Variants in CDC23 observed in about 807,000 individuals in gnomAD.
CDC23 encodes cell division cycle 23.
In CDC23, 26 loss-of-function variants were observed where a neutral mutation model predicts 81.7. The observed-to-expected ratio is 0.32, with a 90% CI of 0.23 to 0.44. CDC23 has a LOEUF of 0.44. Ranked by LOEUF, CDC23 falls within the 20% of genes least tolerant of loss-of-function variation. The pLI is 1.00. For synonymous variants in CDC23, 267 were observed against 270.8 expected (o/e 0.99, Z 0.14); for missense variants, 519 against 728.0 (o/e 0.71, Z 3.30).
chr5:138,192,025 C>A, intron 11 of CDC23, 88 bp from the exon 12 acceptor site: 1 of 1,163,864 alleles, frequency 8.6e-7, no homozygotes, highest in South Asian at 1.3e-5. Flanking sequence ...TATTTCAAAT[C>A]TATGCAACAA....
chr5:138,192,205 A>T, intron 11 of CDC23, 64 bp downstream of exon 11: 1 of 1,597,998 alleles, frequency 6.3e-7, no homozygotes. Flanking sequence ...ATAGCTATCA[A>T]AAGAGGAAAA....
In CDC23 at chr5:138,188,886, C is replaced by G. The variant is rs1003845475; in HGVS notation, c.*92G>C. 5 of 1,267,774 alleles carry G rather than the reference C, an allele frequency of 3.9e-6. No homozygotes were observed. The highest frequency in any genetic ancestry group is 2.2e-6 in the Non-Finnish European group (2 of 922,944). 78.5% of individuals were successfully genotyped at this position (1,267,774 alleles called of 1,614,324 possible). Reference sequence around the variant, plus strand: ...TTGCCATCTGTAGAAACAAGAAGAGCTGAGGTCCTTGGAACAGACGTGCTG... The same window carrying G: ...TTGCCATCTGTAGAAACAAGAAGAGGTGAGGTCCTTGGAACAGACGTGCTG... On this transcript the variant is annotated 3_prime_UTR_variant, in exon 16 of 16. Coordinates refer to ENST00000394886, the MANE Select transcript of CDC23 (RefSeq NM_004661.4).
Position 138,188,845 on chromosome 5 carries a change from T to C in CDC23, c.*133A>G. On this transcript the variant is annotated 3_prime_UTR_variant, in exon 16 of 16. Coordinates refer to ENST00000394886, the MANE Select transcript of CDC23 (RefSeq NM_004661.4). ...GGCCTCTGAAGGTAATTATACAAGC[T>C]GTCCCTATGGAGCTGTTGCCATCTG... 1.4e-6 allele frequency: 1 copy of C among 731,640 alleles called. No individual in the cohort carries two copies. The highest frequency in any genetic ancestry group is 2.9e-5 in the East Asian group (1 of 33,916). 45.3% of individuals were successfully genotyped at this position (731,640 alleles called of 1,614,324 possible). A position where few individuals can be genotyped will look rare whatever the true frequency, so the allele number is the denominator to read the frequency against.
At chr5:138,206,403 A>C in intron 3 of CDC23, 144 bp downstream of exon 3, 7 of 792,900 alleles carry the variant, frequency 8.8e-6, no homozygotes, top group Non-Finnish European at 1.5e-5. Context: ...TTTATTTATG[A>C]TATCTTTTTT....
intron 13 of CDC23, among the ~76,000 whole-genome samples, chr5:138,191,119 A>AT (rs1382897293): frequency 1.3e-5 from 2 of 151,818 alleles, no homozygotes; most frequent in Non-Finnish European, 2.9e-5. Flanking sequence ...TTCTCTTTTT[A>AT]TTTTTTTTAT....
At chr5:138,210,302 G>A (rs1055642918) in intron 2 of CDC23, among the ~76,000 whole-genome samples, 7 of 151,222 alleles carry the variant, frequency 4.6e-5, no homozygotes, top group Admixed American at 1.3e-4. Context: ...TCGGTGGGTG[G>A]ATCAGCTGAG....
chr5:138,193,104 AT>A (rs1165738193), intron 9 of CDC23, among the ~76,000 whole-genome samples: 2 of 152,044 alleles, frequency 1.3e-5, no homozygotes, highest in South Asian at 2.1e-4. Flanking sequence ...TAATTTTTAA[AT>A]TTTTTTGTGG....
At chr5:138,202,698 G>A (rs1355864767) in intron 3 of CDC23, among the ~76,000 whole-genome samples, 2 of 152,196 alleles carry the variant, frequency 1.3e-5, no homozygotes, top group African/African-American at 4.8e-5. Context: ...GAATCCATGA[G>A]TTCATACTGA....
intron 2 of CDC23, among the ~76,000 whole-genome samples, chr5:138,211,850 A>G (rs893928033): frequency 1.6e-4 from 25 of 152,212 alleles, no homozygotes; most frequent in African/African-American, 6.0e-4. Context: ...AGGACCAACG[A>G]TGGGCCTAGG....
chr5:138,192,516 A>G lies in CDC23; in HGVS notation c.1154T>C (p.Ile385Thr). Reference protein sequence around the residue: ...YMEMKNTSAAIQAYRHAIEVN... With the variant: ...YMEMKNTSAATQAYRHAIEVN... ...TATAGATAATCACCTATAAGCCTGG[A>G]TAGCAGCAGACGTGTTCTTCATCTC... The change falls in exon 10 of 16, where the codon ATC becomes ACC. Residue 385 changes from isoleucine to threonine, a missense_variant. Around this residue, in one of 4 missense-constraint regions of CDC23, gnomAD observed 175 missense variants for 337.8 expected, o/e 0.52. Coordinates refer to ENST00000394886, the MANE Select transcript of CDC23 (RefSeq NM_004661.4). 6.2e-7 allele frequency: 1 copy of G among 1,614,112 alleles called. No homozygotes were observed. Among genetic ancestry groups the G allele is most frequent in the Non-Finnish European group, 8.5e-7 (1 of 1,180,010 alleles).
At chr5:138,201,604 C>T (rs1190408960) in intron 4 of CDC23, among the ~76,000 whole-genome samples, 156 bp from the exon 5 acceptor site, 1 of 152,152 alleles carries the variant, frequency 6.6e-6, no homozygotes, top group Non-Finnish European at 1.5e-5. Flanking sequence ...GCCTCAGACT[C>T]CCAAAGTGCT....
chr5:138,195,537 T>A (rs1345319001), intron 9 of CDC23, among the ~76,000 whole-genome samples: 1 of 116,996 alleles, frequency 8.5e-6, no homozygotes, highest in East Asian at 2.1e-4. Context: ...ATTATATATA[T>A]TTATATATAA....
chr5:138,198,411 A>G lies in CDC23; in HGVS notation c.930+15T>C. 6.2e-7 allele frequency: 1 copy of G among 1,611,676 alleles called. No homozygotes were observed. The highest frequency in any genetic ancestry group is 8.5e-7 in the Non-Finnish European group (1 of 1,177,976). On this transcript the variant is annotated intron_variant, in intron 8 of 15. Transcript: ENST00000394886. ...AAAAGAGCTTAATCAAATCCAAGCA[A>G]GGGAAGCAGCTCACCCTGACATAAA...
intron 2 of CDC23, among the ~76,000 whole-genome samples, chr5:138,211,056 AC>A (rs1421485715): frequency 6.6e-6 from 1 of 152,212 alleles, no homozygotes; most frequent in African/African-American, 2.4e-5. Context: ...TACCAAAAAA[AC>A]ATCTGCACTC....
Position 138,191,576 on chromosome 5 carries a change from T to C in CDC23, c.1363-41A>G, listed in dbSNP as rs763956817. ...ACTGGTCATTTTGACCATTGTCCCA[T>C]GTGTCACAACTAAATCATATGAAGG... is the stretch of plus-strand genomic sequence containing the variant. On this transcript the variant is annotated intron_variant, in intron 12 of 15. Coordinates refer to ENST00000394886, the MANE Select transcript of CDC23 (RefSeq NM_004661.4). 1.1e-5 allele frequency: 18 copies of C among 1,571,696 alleles called. No individual in the cohort carries two copies. In the Admixed American group the frequency reaches 2.7e-4, roughly 23 times the overall value.
At chr5:138,192,827 T>G (rs1190723464) in intron 9 of CDC23, among the ~76,000 whole-genome samples, 170 bp from the exon 10 acceptor site, 1 of 152,180 alleles carries the variant, frequency 6.6e-6, no homozygotes, top group Non-Finnish European at 1.5e-5. Flanking sequence ...GGAAATATAT[T>G]TCATCTGTCA....
At chr5:138,204,030 T>C (rs1755019954) in intron 3 of CDC23, among the ~76,000 whole-genome samples, 1 of 152,178 alleles carries the variant, frequency 6.6e-6, no homozygotes, top group Non-Finnish European at 1.5e-5. Flanking sequence ...TTTAAGAAAA[T>C]GTCCTTATTC....
At chr5:138,190,324 G>A (rs1754812300) in intron 13 of CDC23, among the ~76,000 whole-genome samples, 1 of 151,936 alleles carries the variant, frequency 6.6e-6, no homozygotes, top group African/African-American at 2.4e-5. Context: ...CGGGCGTTGT[G>A]ACACATGCCT....
rs1198554467 is a variant in CDC23, at chr5:138,188,381, T to C, written c.*597A>G. 6.6e-6 allele frequency: 1 copy of C among 152,144 alleles called. No homozygotes were observed. The highest frequency in any genetic ancestry group is 1.5e-5 in the Non-Finnish European group (1 of 68,040). 9.4% of individuals were successfully genotyped at this position (152,144 alleles called of 1,614,324 possible). On this transcript the variant is annotated 3_prime_UTR_variant, in exon 16 of 16. Transcript: ENST00000394886. ...TCAACTCTAGTTGAATAAAGTTACT[T>C]CCAATTTGAAAGCTTTAGAAGACCC... is the stretch of plus-strand genomic sequence containing the variant.
Sources: allele counts gnomAD v4.1 joint callset (sites outside exome capture counted in the v4.1 genomes callset), GRCh38; gene constraint gnomAD v4.1.1; regional missense constraint gnomAD v4.1.1; transcripts MANE v1.5; gene names NCBI Gene and HGNC (gene_info 2026-07-23, HGNC 2026-07-21).